Variants in NEDD9 observed in about 807,000 individuals in gnomAD.
NEDD9 encodes neural precursor cell expressed, developmentally down-regulated 9, also known as enhancer of filamentation 1.
A neutral mutation model predicts 76.6 loss-of-function variants in NEDD9; 26 were observed. The observed-to-expected ratio is 0.34, with a 90% CI of 0.25 to 0.47. The LOEUF is 0.47. Among genes scored for constraint, NEDD9 ranks in the 20% least tolerant of loss-of-function variants. The pLI is 1.00. For missense variants in NEDD9, 937 were observed against 1,058.5 expected, an observed-to-expected ratio of 0.89 and a Z score of 1.59; for synonymous variants, 392 against 414.2, an observed-to-expected ratio of 0.95 and a Z score of 0.65.
intron 3 of NEDD9, among the ~76,000 whole-genome samples, chr6:11,280,098 T>A (rs1045569166): frequency 2.0e-5 from 3 of 152,320 alleles, no homozygotes; most frequent in Admixed American, 1.3e-4. Flanking sequence ...TCATCCCTGG[T>A]CTCTACCCTC....
upstream of NEDD9, among the ~76,000 whole-genome samples, chr6:11,235,204 TATG>T (rs1335509962): frequency 3.9e-5 from 6 of 152,162 alleles, no homozygotes; most frequent in East Asian, 1.9e-4. The surrounding 1 kb of genome is among the most constrained non-coding windows in gnomAD (Gnocchi z 4.1). Flanking sequence ...ATATCAGATT[TATG>T]ATATTTTGTT....
upstream of NEDD9, among the ~76,000 whole-genome samples, chr6:11,234,362 G>A (rs537784968): frequency 2.6e-5 from 4 of 152,246 alleles, no homozygotes; most frequent in Non-Finnish European, 4.4e-5. Flanking sequence ...TGAGTCTTGC[G>A]GCCTCCAAGA....
At chr6:11,361,438 G>C (rs758375559) in intron 1 of NEDD9, among the ~76,000 whole-genome samples, 5 of 152,068 alleles carry the variant, frequency 3.3e-5, no homozygotes, top group Non-Finnish European at 7.4e-5. Context: ...GTGAAAGCAG[G>C]AGCAAGAGAG....
chr6:11,296,677 T>TTCCC (rs1760900085), intron 3 of NEDD9, among the ~76,000 whole-genome samples: 2 of 64,134 alleles, frequency 3.1e-5, no homozygotes, highest in Non-Finnish European at 2.9e-5. Context: ...TTCCTTTCCT[T>TTCCC]TCCCTTCCTT....
At chr6:11,344,643 T>A (rs1413617203) in intron 1 of NEDD9, among the ~76,000 whole-genome samples, 1 of 152,184 alleles carries the variant, frequency 6.6e-6, no homozygotes, top group East Asian at 1.9e-4. Flanking sequence ...GCATAGCACA[T>A]GCTTTAGCAT....
chr6:11,268,719 G>T (rs56703665), intron 3 of NEDD9, among the ~76,000 whole-genome samples: 1 of 150,754 alleles, frequency 6.6e-6, no homozygotes, highest in East Asian at 2.0e-4. Flanking sequence ...CAAGAACGAA[G>T]CTCCATCACA....
chr6:11,260,863 T>G (rs572421255), intron 3 of NEDD9, among the ~76,000 whole-genome samples: 1 of 151,862 alleles, frequency 6.6e-6, no homozygotes, highest in African/African-American at 2.4e-5. Context: ...ATATTGTGTG[T>G]GAGCATGTAT....
At chr6:11,199,134 C>G (rs1758364116) in intron 2 of NEDD9, 2 of 152,250 alleles carry the variant, frequency 1.3e-5, no homozygotes, top group South Asian at 4.1e-4. Flanking sequence ...CAAAACAAAC[C>G]CTGCTTTTTA....
At chr6:11,335,247 A>G (rs918637524) in intron 1 of NEDD9, among the ~76,000 whole-genome samples, 17 of 152,208 alleles carry the variant, frequency 1.1e-4, no homozygotes, top group African/African-American at 4.1e-4. Context: ...ACGAGTGACG[A>G]CCAGGTGAGT....
At position 11,186,314 on chromosome 6, in the gene NEDD9, A is replaced by G. The variant is rs529915848; in HGVS notation, c.1996-643T>C. Among the ~76,000 whole-genome samples the G allele has an allele frequency of 5.0e-4, 76 of 152,338 alleles. 1 individual carries two copies. The South Asian group carries it at 0.016, about 31-fold the overall frequency. The stretch of plus-strand genomic sequence containing the variant: ...GTCTGAATGGGAATTGTGCATCATA[A>G]TATTTAGTCCCCCAGAGCTGTTAAA... On this transcript the variant is annotated intron_variant, in intron 6 of 6. Coordinates refer to ENST00000379446, the MANE Select transcript of NEDD9 (RefSeq NM_006403.4).
At chr6:11,285,817 G>T (rs141166301) in intron 3 of NEDD9, among the ~76,000 whole-genome samples, 1 of 152,092 alleles carries the variant, frequency 6.6e-6, no homozygotes, top group Admixed American at 6.5e-5. Flanking sequence ...ATTCAAAATA[G>T]TGCACTTCAG....
intron 1 of NEDD9, among the ~76,000 whole-genome samples, chr6:11,220,428 G>A (rs1433358827): frequency 1.3e-5 from 2 of 152,194 alleles, no homozygotes; most frequent in East Asian, 1.9e-4. Flanking sequence ...GTCTGAGTGG[G>A]AGAAGGTTTG....
chr6:11,190,054 TG>T lies in NEDD9; in HGVS notation c.1814del (p.Pro605GlnfsTer3). On this transcript the variant is annotated frameshift_variant, in exon 5 of 7. Transcript: ENST00000379446. LOFTEE classifies it high-confidence loss of function. The surrounding 1 kb of genome is among the most constrained non-coding windows in gnomAD (Gnocchi z 5.8). ...KAQAHNKALP[P>X]GLSKEQAPDC... Reference sequence around the variant, plus strand: ...CAGGGGCCTGCTCCTTGCTCAGGCCTGGGGGCAGTGCCTTGTTGTGGGCCTG... The same window carrying T: ...CAGGGGCCTGCTCCTTGCTCAGGCCTGGGGCAGTGCCTTGTTGTGGGCCTG... 6.3e-7 allele frequency: 1 copy of T among 1,589,862 alleles called. No homozygotes were observed. The highest frequency in any genetic ancestry group is 8.6e-7 in the Non-Finnish European group (1 of 1,167,064).
chr6:11,203,993 T>A (rs1758528978), intron 2 of NEDD9, among the ~76,000 whole-genome samples: 2 of 150,200 alleles, frequency 1.3e-5, no homozygotes, highest in South Asian at 4.2e-4. Context: ...AAAAAACTCT[T>A]GATGTCAGGC....
intron 3 of NEDD9, among the ~76,000 whole-genome samples, chr6:11,256,967 T>C (rs1391140939): frequency 3.3e-5 from 5 of 152,216 alleles, no homozygotes; most frequent in African/African-American, 1.2e-4. Flanking sequence ...TCTTAGAGAA[T>C]CATTTTTCAA....
At chr6:11,275,823 T>C (rs955857951) in intron 3 of NEDD9, among the ~76,000 whole-genome samples, 3 of 152,194 alleles carry the variant, frequency 2.0e-5, no homozygotes, top group Non-Finnish European at 2.9e-5. Flanking sequence ...CATTGGACTT[T>C]TGCTTTTCTG....
At chr6:11,293,635 C>G (rs1402121839) in intron 3 of NEDD9, among the ~76,000 whole-genome samples, 1 of 149,138 alleles carries the variant, frequency 6.7e-6, no homozygotes, top group South Asian at 2.1e-4. Flanking sequence ...TGTGTGTGTG[C>G]GTGTTGAGAA....
At chr6:11,200,295 G>C (rs1040624971) in intron 2 of NEDD9, 6 of 459,056 alleles carry the variant, frequency 1.3e-5, no homozygotes, top group African/African-American at 8.0e-5. Context: ...AAGACATCAG[G>C]GTTGCCAGAA....
At chr6:11,218,113 C>T (rs1025545805) in intron 1 of NEDD9, among the ~76,000 whole-genome samples, 7 of 152,338 alleles carry the variant, frequency 4.6e-5, no homozygotes, top group African/African-American at 1.4e-4. Context: ...CCATAGTCTT[C>T]GCTGGATATT....
Sources: gnomAD v4.1 joint callset for allele counts (sites outside exome capture counted in the v4.1 genomes callset) on GRCh38, gnomAD v4.1.1 for gene constraint, Gnocchi (gnomAD v3.1) non-coding constraint, MANE v1.5 for transcripts, NCBI Gene and HGNC (gene_info 2026-07-23, HGNC 2026-07-21) for gene names.